The following SIL1 variants were observed in gnomAD, a reference collection of about 807,000 sequenced individuals.
SIL1 encodes the protein nucleotide exchange factor SIL1.
Under a neutral mutation model 49.1 loss-of-function variants are expected in SIL1, and 40 were observed. That is an observed-to-expected ratio of 0.81 (90% CI 0.63 to 1.06). SIL1 has a LOEUF of 1.06. SIL1 is among the 50% of genes least tolerant of loss of function. SIL1 has a pLI of 0.00. For synonymous variants in SIL1, 253 were observed against 250.8 expected (o/e 1.01, Z -0.08); for missense variants, 500 against 572.6 (o/e 0.87, Z 1.29).
At chr5:139,068,987 A>T (rs1769769443) in intron 3 of SIL1, among the ~76,000 whole-genome samples, 1 of 152,184 alleles carries the variant, frequency 6.6e-6, no homozygotes, top group Non-Finnish European at 1.5e-5. Flanking sequence ...GAGGCTGTGT[A>T]TGGTGACTCA....
chr5:138,994,816 G>A, intron 7 of SIL1, among the ~76,000 whole-genome samples: 1 of 152,098 alleles, frequency 6.6e-6, no homozygotes, highest in Non-Finnish European at 1.5e-5. Flanking sequence ...ATTAAGCCCT[G>A]CATGCATTAA....
chr5:138,948,745 A>G lies in SIL1; in HGVS notation c.1030-1272T>C, dbSNP rs1766693210. ...TGCTGTGGTTTGAGTGTGTTCCCTA[A>G]AAGTTCAAGTGTTGGAAGCTTAATT... On this transcript the variant is annotated intron_variant, in intron 9 of 9. Transcript: ENST00000394817. This position sits in a 1 kb window ranked among gnomAD's most constrained non-coding sequence, Gnocchi z 4.8. Among the ~76,000 whole-genome samples, 1 of 152,136 alleles carries G rather than the reference A, an allele frequency of 6.6e-6. No individual in the cohort carries two copies. Among genetic ancestry groups the G allele is most frequent in the Non-Finnish European group, 1.5e-5 (1 of 68,022 alleles).
rs537488650 is a variant in SIL1, at chr5:139,089,097, C to T, written c.244+31938G>A. 2.8e-4 allele frequency among the ~76,000 whole-genome samples: 42 copies of T among 152,266 alleles called. No homozygotes were observed. The South Asian group carries it at 6.0e-3, about 22-fold the overall frequency. ...GCAGAACTCCAAGCTCTAGTATATACGGTTGGAACACTGTCTTAGAAAGGA... is the reference window on the plus strand; with the variant it reads ...GCAGAACTCCAAGCTCTAGTATATATGGTTGGAACACTGTCTTAGAAAGGA... On this transcript the variant is annotated intron_variant, in intron 3 of 9. Coordinates refer to ENST00000394817, the MANE Select transcript of SIL1 (RefSeq NM_022464.5).
At chr5:138,973,428 CCT>C (rs1767325821) in intron 7 of SIL1, among the ~76,000 whole-genome samples, 1 of 151,410 alleles carries the variant, frequency 6.6e-6, no homozygotes, top group Non-Finnish European at 1.5e-5. Flanking sequence ...AGGAAAAGTC[CCT>C]GTTTCTCAGA....
chr5:138,952,142 G>A (rs1321192203), intron 7 of SIL1, among the ~76,000 whole-genome samples: 1 of 152,236 alleles, frequency 6.6e-6, no homozygotes, highest in Non-Finnish European at 1.5e-5. Flanking sequence ...GGGCTGGAGT[G>A]GGCTGGGAAG....
chr5:139,007,092 G>A (rs1768136814), intron 7 of SIL1, among the ~76,000 whole-genome samples: 1 of 136,150 alleles, frequency 7.3e-6, no homozygotes, highest in Non-Finnish European at 1.6e-5. Flanking sequence ...CTACCCATGA[G>A]CATGGAATGT....
At chr5:139,160,143 TCACACACACACACACA>T (rs57028301) in intron 1 of SIL1, among the ~76,000 whole-genome samples, 54 of 137,866 alleles carry the variant, frequency 3.9e-4, no homozygotes, top group Middle Eastern at 3.6e-3. Flanking sequence ...ATTTCCACAA[TCACACACACACACACA>T]CACACACACA....
At chr5:139,144,647 G>A (rs962788167) in intron 1 of SIL1, among the ~76,000 whole-genome samples, 1 of 152,198 alleles carries the variant, frequency 6.6e-6, no homozygotes, top group Non-Finnish European at 1.5e-5. Flanking sequence ...GAGGCAGGCA[G>A]ATCACCTGAT....
chr5:139,031,429 T>C (rs771092469), intron 5 of SIL1, among the ~76,000 whole-genome samples: 4 of 152,226 alleles, frequency 2.6e-5, no homozygotes, highest in East Asian at 1.9e-4. Context: ...GTTGTATTAG[T>C]GTGGGTCTAT....
At chr5:139,096,084 C>A (rs1016699161) in intron 3 of SIL1, among the ~76,000 whole-genome samples, 6 of 152,188 alleles carry the variant, frequency 3.9e-5, no homozygotes, top group African/African-American at 1.4e-4. Flanking sequence ...AACGCCCACC[C>A]CCCCAACAGT....
intron 1 of SIL1, among the ~76,000 whole-genome samples, chr5:139,192,435 G>A (rs1311022858): frequency 6.6e-6 from 1 of 152,148 alleles, no homozygotes; most frequent in Non-Finnish European, 1.5e-5. Context: ...AACCAAAAGG[G>A]ATGATCAAGA....
intron 1 of SIL1, among the ~76,000 whole-genome samples, chr5:139,128,498 A>T (rs1750798864): frequency 6.6e-6 from 1 of 151,922 alleles, no homozygotes; most frequent in Non-Finnish European, 1.5e-5. Flanking sequence ...AAAACAAAAA[A>T]ATTAGCTAGG....
At chr5:139,106,418 G>A (rs377250535) in intron 3 of SIL1, among the ~76,000 whole-genome samples, 13 of 152,214 alleles carry the variant, frequency 8.5e-5, no homozygotes, top group African/African-American at 2.6e-4. Context: ...TACACAATTC[G>A]GAGCCTAGCC....
At chr5:138,962,303 CA>C (rs1561806508) in intron 7 of SIL1, among the ~76,000 whole-genome samples, 1 of 149,444 alleles carries the variant, frequency 6.7e-6, no homozygotes, top group African/African-American at 2.5e-5. Context: ...GGACTTTTTC[CA>C]TTTTTTTTTT....
At chr5:138,954,590 T>C (rs2150380098) in intron 7 of SIL1, among the ~76,000 whole-genome samples, 1 of 152,382 alleles carries the variant, frequency 6.6e-6, no homozygotes, top group Admixed American at 6.5e-5. Context: ...CAGCTGCTCC[T>C]CAGTCCATCC....
intron 6 of SIL1, 94 bp from the exon 7 acceptor site, chr5:139,021,386 T>A: frequency 6.5e-7 from 1 of 1,543,928 alleles, no homozygotes; most frequent in Non-Finnish European, 8.8e-7. Flanking sequence ...AAAAACAAAT[T>A]AAAAAGCCAT....
At chr5:139,061,027 TG>T (rs1187649205) in intron 3 of SIL1, among the ~76,000 whole-genome samples, 2 of 152,202 alleles carry the variant, frequency 1.3e-5, no homozygotes, top group Non-Finnish European at 2.9e-5. Context: ...TGGTGAGGGC[TG>T]TGAAAAATGC....
intron 3 of SIL1, among the ~76,000 whole-genome samples, chr5:139,085,214 CAG>C (rs1347790029): frequency 6.6e-6 from 1 of 152,120 alleles, no homozygotes; most frequent in Admixed American, 6.6e-5. Flanking sequence ...AGGGCACAAT[CAG>C]GGGAAACAGA....
At chr5:139,061,999 T>A (rs951169662) in intron 3 of SIL1, among the ~76,000 whole-genome samples, 1 of 152,308 alleles carries the variant, frequency 6.6e-6, no homozygotes, top group South Asian at 2.1e-4. Flanking sequence ...ATAGGGCTGG[T>A]CAGAGCTGAG....
Sources: allele counts gnomAD v4.1 joint callset (sites outside exome capture counted in the v4.1 genomes callset), GRCh38; gene constraint gnomAD v4.1.1; non-coding constraint Gnocchi (gnomAD v3.1); transcripts MANE v1.5; gene names NCBI Gene and HGNC (gene_info 2026-07-23, HGNC 2026-07-21).